The following TSHR variants were observed in gnomAD, a reference collection of about 807,000 sequenced individuals.
The protein encoded by TSHR is thyrotropin receptor.
Under a neutral mutation model 64.1 loss-of-function variants are expected in TSHR, and 51 were observed. The ratio of observed to expected loss-of-function variants is 0.80; its 90% CI spans 0.64 to 1.01. The LOEUF is 1.01. Among genes scored for constraint, TSHR ranks in the 50% least tolerant of loss-of-function variants. The pLI, the probability that TSHR is intolerant of heterozygous loss-of-function variation, is 0.00. For synonymous variants in TSHR, 361 were observed against 361.9 expected, an observed-to-expected ratio of 1.00 and a Z score of 0.03; for missense variants, 877 against 942.8, an observed-to-expected ratio of 0.93 and a Z score of 0.91.
chr14:81,001,192 G>T, intron 1 of TSHR: 1 of 170,352 alleles, frequency 5.9e-6, no homozygotes, highest in Non-Finnish European at 1.2e-5. Flanking sequence ...TGTTTCTTCA[G>T]TTTCTTTTGA....
At chr14:81,051,134 C>T (rs10131847) in intron 1 of TSHR, 35,414 of 153,392 alleles carry the variant, frequency 0.23, 4,147 homozygotes, top group South Asian at 0.29. Context: ...TTAAACAATA[C>T]GCACAGCATC....
intron 4 of TSHR, among the ~76,000 whole-genome samples, chr14:81,089,527 T>C (rs937128436): frequency 2.6e-5 from 4 of 152,132 alleles, no homozygotes; most frequent in African/African-American, 9.7e-5. Context: ...TGTAATCTAG[T>C]TGAGGAGATG....
At chr14:81,044,615 G>A (rs146879563) in intron 1 of TSHR, among the ~76,000 whole-genome samples, 14,898 of 146,008 alleles carry the variant, frequency 0.1, 938 homozygotes, top group South Asian at 0.2. Context: ...CCGAGATTGC[G>A]CCACTGCACT....
intron 1 of TSHR, chr14:81,003,680 A>G (rs55960644): frequency 0.33 from 50,927 of 154,392 alleles, 8,880 homozygotes; most frequent in East Asian, 0.58. Flanking sequence ...ATGACCTGCA[A>G]GAATCTCAAA....
rs532066154 is a variant in TSHR, at chr14:81,077,101, C to T, written c.317+8773C>T. Among the ~76,000 whole-genome samples the T allele has an allele frequency of 2.6e-5, 4 of 152,288 alleles. No individual in the cohort carries two copies. The East Asian group carries it at 5.8e-4, about 22-fold the overall frequency. ...CCTAATTATGACCTACACAGAGACA[C>T]ATACCATTCAGCCCACTTCTGCATC... On this transcript the variant is annotated intron_variant, in intron 3 of 9. Transcript: ENST00000298171.
At chr14:81,048,738 T>C (rs1245098559) in intron 1 of TSHR, among the ~76,000 whole-genome samples, 5 of 152,214 alleles carry the variant, frequency 3.3e-5, no homozygotes, top group African/African-American at 9.6e-5. Flanking sequence ...TGTTGTTTGT[T>C]TCTGAACTGC....
intron 1 of TSHR, among the ~76,000 whole-genome samples, chr14:81,007,166 A>G (rs1889647979): frequency 6.6e-6 from 1 of 152,210 alleles, no homozygotes. Context: ...TTAGATTTAT[A>G]TGAGGTCATG....
At chr14:81,141,838 A>G (rs531523646) in intron 9 of TSHR, among the ~76,000 whole-genome samples, 1 of 152,354 alleles carries the variant, frequency 6.6e-6, no homozygotes, top group East Asian at 1.9e-4. Flanking sequence ...GGCAATGGGA[A>G]CATAGGGTTT....
intron 7 of TSHR, among the ~76,000 whole-genome samples, chr14:81,107,313 G>C (rs1381953026): frequency 6.6e-6 from 1 of 152,280 alleles, no homozygotes; most frequent in East Asian, 1.9e-4. Flanking sequence ...CAGACCTTCT[G>C]AGGGTCTCTG....
rs190886405 is a variant in TSHR at position 80,998,630 on chromosome 14, C to G, written c.170+42780C>G. 5.1e-3 allele frequency among the ~76,000 whole-genome samples: 779 copies of G among 151,994 alleles called. 11 individuals carry two copies. Among genetic ancestry groups the G allele is most frequent in the South Asian group, 0.019 (90 of 4,808 alleles). On this transcript the variant is annotated intron_variant, in intron 1 of 9. Transcript: ENST00000298171. ...TTATTATAAAAAGAAACTGGAATGG[C>G]TAATCTTGGCTGTCTCTCTAAAGCC...
intron 1 of TSHR, chr14:81,012,209 C>A (rs1188748970): frequency 2.0e-5 from 3 of 151,056 alleles, no homozygotes; most frequent in East Asian, 3.9e-4. Flanking sequence ...TTTGTTCTTG[C>A]GATAGTTTAC....
rs1161527069 is a variant in TSHR at position 81,062,234 on chromosome 14, T to C, written c.242+15T>C. 2.5e-6 allele frequency: 4 copies of C among 1,595,002 alleles called. No individual in the cohort carries two copies. Among genetic ancestry groups the C allele is most frequent in the Admixed American group, 1.7e-5 (1 of 59,672 alleles). On this transcript the variant is annotated intron_variant, in intron 2 of 9. Coordinates refer to ENST00000298171, the MANE Select transcript of TSHR (RefSeq NM_000369.5). ...ATTTCCAGAATGTAAGTTTTTTTAATATAAAGAAAAGTTTGCATTTGTGAT... is the reference window on the plus strand; with the variant it reads ...ATTTCCAGAATGTAAGTTTTTTTAACATAAAGAAAAGTTTGCATTTGTGAT...
chr14:80,996,238 A>T (rs555183014), intron 1 of TSHR, among the ~76,000 whole-genome samples: 1 of 152,218 alleles, frequency 6.6e-6, no homozygotes, highest in East Asian at 1.9e-4. Flanking sequence ...CAAGCTTTCA[A>T]TTACATTCCA....
chr14:80,982,342 A>G (rs1005245666), intron 1 of TSHR: 3 of 1,232,242 alleles, frequency 2.4e-6, no homozygotes, highest in Admixed American at 4.3e-5. Context: ...AGAGGCCACT[A>G]TCAATTCCTG....
chr14:81,011,627 T>C (rs1257016853), intron 1 of TSHR, among the ~76,000 whole-genome samples: 1 of 152,154 alleles, frequency 6.6e-6, no homozygotes, highest in African/African-American at 2.4e-5. Flanking sequence ...GTTTTTATAC[T>C]AGTTCATCAG....
intron 8 of TSHR, among the ~76,000 whole-genome samples, chr14:81,112,568 C>T (rs531226035): frequency 6.6e-6 from 1 of 152,302 alleles, no homozygotes; most frequent in South Asian, 2.1e-4. Flanking sequence ...CCCTCTCATT[C>T]CTATCCAATC....
At chr14:81,084,593 A>G (rs1014220109) in intron 3 of TSHR, among the ~76,000 whole-genome samples, 4 of 152,182 alleles carry the variant, frequency 2.6e-5, no homozygotes, top group African/African-American at 9.7e-5. Flanking sequence ...GATGAGTGGG[A>G]GCACAGAGCA....
intron 1 of TSHR, among the ~76,000 whole-genome samples, chr14:81,008,300 T>G (rs1024332227): frequency 2.0e-5 from 3 of 151,884 alleles, no homozygotes; most frequent in Middle Eastern, 3.4e-3. Context: ...AGCCTCCCAA[T>G]TAGCTGGGAC....
intron 1 of TSHR, among the ~76,000 whole-genome samples, chr14:81,008,180 T>C (rs1225766100): frequency 1.3e-5 from 2 of 151,418 alleles, no homozygotes; most frequent in African/African-American, 2.4e-5. Context: ...TCTTTCTTTT[T>C]TTTTTTTTTT....
Sources: gnomAD v4.1 joint callset for allele counts (sites outside exome capture counted in the v4.1 genomes callset) on GRCh38, gnomAD v4.1.1 for gene constraint, MANE v1.5 for transcripts, NCBI Gene and HGNC (gene_info 2026-07-23, HGNC 2026-07-21) for gene names.